Variants in SOX30 observed in about 807,000 individuals in gnomAD.
SOX30 encodes SRY-box transcription factor 30.
SOX30 carries 17 observed loss-of-function variants against 58.6 expected under a neutral mutation model. The observed-to-expected ratio is 0.29, with a 90% CI of 0.20 to 0.44. The LOEUF (loss-of-function observed/expected upper bound fraction) is 0.44. Ranked by LOEUF, SOX30 falls within the 20% of genes least tolerant of loss-of-function variation. SOX30 has a pLI of 1.00. For synonymous variants in SOX30, 421 were observed against 400.2 expected (o/e 1.05, Z -0.62); for missense variants, 951 against 965.8 (o/e 0.98, Z 0.20).
At chr5:157,631,001 TTA>T (rs1160722080) in intron 4 of SOX30, among the ~76,000 whole-genome samples, 9 of 126,140 alleles carry the variant, frequency 7.1e-5, no homozygotes, top group African/African-American at 2.8e-4. Flanking sequence ...TATATATTTT[TTA>T]TATATATACT....
At chr5:157,671,477 A>G (rs928870993) in exon 1 of SOX30, 17 of 676,160 alleles carry the variant, frequency 2.5e-5, no homozygotes, top group Admixed American at 6.2e-5. Flanking sequence ...CCCGCAGCCA[A>G]TATGTGTCTC....
intron 2 of SOX30, among the ~76,000 whole-genome samples, chr5:157,666,771 T>C (rs1220947642): frequency 6.6e-6 from 1 of 152,048 alleles, no homozygotes. Context: ...AGTGGCACAA[T>C]CTCAGCTAAC....
intron 3 of SOX30, among the ~76,000 whole-genome samples, chr5:157,640,912 AT>A (rs1442807086): frequency 6.6e-6 from 1 of 152,144 alleles, no homozygotes; most frequent in Non-Finnish European, 1.5e-5. Flanking sequence ...TGAAGACACC[AT>A]AATGCACTCC....
chr5:157,658,760 G>A lies in SOX30; in HGVS notation c.52+9038C>T, dbSNP rs571934015. Reference sequence around the variant, plus strand: ...TATAAAAGGGAGGGGGTAATGTCAGGCGTGTGAACCAGAGCAACTCCATTT... The same window carrying A: ...TATAAAAGGGAGGGGGTAATGTCAGACGTGTGAACCAGAGCAACTCCATTT... On this transcript the variant is annotated intron_variant, in intron 2 of 5. Coordinates refer to the SOX30 transcript ENST00000519442. 2.0e-5 allele frequency among the ~76,000 whole-genome samples: 3 copies of A among 152,254 alleles called. No individual in the cohort carries two copies. In the South Asian group the frequency reaches 6.2e-4, roughly 32 times the overall value.
chr5:157,626,168 C>G lies in SOX30; in HGVS notation c.*172G>C. ...ATTCCTACAATGAAACATCCAGACT[C>G]TAGTTTCACTAATCAAAATTTTATG... is the stretch of plus-strand genomic sequence containing the variant. On this transcript the variant is annotated 3_prime_UTR_variant, in exon 5 of 5. Transcript: ENST00000265007. 3.6e-6 allele frequency: 2 copies of G among 555,430 alleles called. No homozygotes were observed. The highest frequency in any genetic ancestry group is 3.0e-5 in the South Asian group (1 of 33,308). 34.4% of individuals were successfully genotyped at this position (555,430 alleles called of 1,614,324 possible).
intron 3 of SOX30, among the ~76,000 whole-genome samples, chr5:157,640,585 G>A (rs1759037538): frequency 6.6e-6 from 1 of 152,026 alleles, no homozygotes. Flanking sequence ...AAAAAACTAA[G>A]ATAAGCAGCA....
Position 157,638,525 on chromosome 5 carries a change from T to C in SOX30, c.1585A>G (p.Thr529Ala). The C allele has an allele frequency of 1.2e-6, 2 of 1,614,098 alleles. No homozygotes were observed. The highest frequency in any genetic ancestry group is 1.7e-6 in the Non-Finnish European group (2 of 1,180,024). Reference sequence around the variant, plus strand: ...GGAGTGGGTTGCTTCACAGTGTGAGTGGCTTCAGAATGCAGCTGATGAGTG... The same window carrying C: ...GGAGTGGGTTGCTTCACAGTGTGAGCGGCTTCAGAATGCAGCTGATGAGTG... ...TDTHQLHSEA[T>A]HTVKQPTPVS... The change falls in exon 4 of 5, where the codon ACT (threonine) becomes GCT (alanine). Residue 529 changes from threonine (T) to alanine (A), a missense_variant. Around this residue, in one of 7 missense-constraint regions of SOX30, gnomAD observed 381 missense variants for 390.0 expected, o/e 0.98. Transcript: ENST00000265007.
chr5:157,649,441 G>A (rs1429175010), intron 1 of SOX30, among the ~76,000 whole-genome samples: 1 of 152,076 alleles, frequency 6.6e-6, no homozygotes. Flanking sequence ...CTTACCAAGT[G>A]GAATCATCAA....
chr5:157,656,148 T>C (rs1361252648), upstream of SOX30, among the ~76,000 whole-genome samples: 1 of 152,226 alleles, frequency 6.6e-6, no homozygotes, highest in Non-Finnish European at 1.5e-5. Context: ...ATCTTTTGTC[T>C]GTGTATTTAT....
intron 2 of SOX30, among the ~76,000 whole-genome samples, chr5:157,666,044 A>C (rs1048470747): frequency 6.6e-6 from 1 of 152,106 alleles, no homozygotes; most frequent in African/African-American, 2.4e-5. Flanking sequence ...GATTAAAAGA[A>C]AGAAAAATTA....
chr5:157,662,450 C>T (rs190482160), intron 2 of SOX30, among the ~76,000 whole-genome samples: 83 of 152,034 alleles, frequency 5.5e-4, no homozygotes, highest in African/African-American at 1.8e-3. Flanking sequence ...TGAAGTCTTC[C>T]TTTCTAATTT....
rs75175130 is a variant in SOX30 at position 157,662,103 on chromosome 5, T to A, written c.52+5695A>T. The stretch of plus-strand genomic sequence containing the variant: ...CTTTGATCATTTCTGTTAATGAATT[T>A]GCCCATTTCATCTAAGTTGACAAAT... On this transcript the variant is annotated intron_variant, in intron 2 of 5. Transcript: ENST00000519442. Among the ~76,000 whole-genome samples, 18 of 152,350 alleles carry A rather than the reference T, an allele frequency of 1.2e-4. No homozygotes were observed. The East Asian group carries it at 3.5e-3, about 29-fold the overall frequency.
intron 2 of SOX30, among the ~76,000 whole-genome samples, chr5:157,665,893 G>C (rs1161225705): frequency 6.8e-6 from 1 of 147,586 alleles, no homozygotes; most frequent in East Asian, 2.0e-4. Flanking sequence ...CATCTTGCAG[G>C]ATATTCCCTT....
chr5:157,671,225 T>C (rs2277948), intron 1 of SOX30: 36,099 of 206,238 alleles, frequency 0.18, 3,570 homozygotes, highest in Middle Eastern at 0.28. Context: ...CTCAGCTCCA[T>C]GCCGCTGAGC....
chr5:157,657,066 T>C (rs1452571752), upstream of SOX30, among the ~76,000 whole-genome samples: 1 of 152,226 alleles, frequency 6.6e-6, no homozygotes, highest in Non-Finnish European at 1.5e-5. Flanking sequence ...TAAGGTTTTA[T>C]AAAGAATTGG....
chr5:157,626,642 C>T lies in SOX30; in HGVS notation c.1960G>A (p.Asp654Asn). 6.2e-7 allele frequency: 1 copy of T among 1,614,128 alleles called. No individual in the cohort carries two copies. The highest frequency in any genetic ancestry group is 1.1e-5 in the South Asian group (1 of 91,064). ...ATACCCTCATGTTTTGGGTACCTGT[C>T]TTCATAATAACTAAGGCATTCTGGC... Reference protein sequence around the residue: ...SMPECLSYYEDRYPKHEGIFS... With the variant: ...SMPECLSYYENRYPKHEGIFS... Residue 654 changes from aspartate (D) to asparagine (N), a missense_variant, in exon 5 of 5, where the codon GAC becomes AAC. Physicochemically the swap from Asp to Asn is conservative, Grantham distance 23. This residue lies in a region of SOX30 where 381 missense variants were observed against 390.0 expected (regional missense o/e 0.98). Transcript: ENST00000265007.
rs1759337817 is a variant in SOX30, at chr5:157,651,477, C to G, written c.602G>C (p.Gly201Ala). ...TTCTCGGATGGCTGCCGGGCTTTTG[C>G]CTGCCCCGCCTTGCATCGAGTCTCT... ...VMRDSMQGGA[G>A]KSPAAIREGV... The change falls in exon 1 of 5, where the codon GGC (glycine) becomes GCC (alanine). Residue 201 changes from glycine to alanine, a missense_variant. Gly to Ala is a moderately conservative substitution (Grantham distance 60). Around this residue, in one of 7 missense-constraint regions of SOX30, gnomAD observed 363 missense variants for 294.5 expected, o/e 1.23. Transcript: ENST00000265007. 1 of 1,613,302 alleles carries G rather than the reference C, an allele frequency of 6.2e-7. No individual in the cohort carries two copies. Among genetic ancestry groups the G allele is most frequent in the Non-Finnish European group, 8.5e-7 (1 of 1,180,034 alleles).
intron 2 of SOX30, among the ~76,000 whole-genome samples, chr5:157,666,478 GACAC>G (rs375835461): frequency 0.2 from 25,834 of 132,214 alleles, 2,454 homozygotes; most frequent in East Asian, 0.23. Context: ...TAGTCCAGTA[GACAC>G]ACACACACAC....
intron 1 of SOX30, among the ~76,000 whole-genome samples, chr5:157,649,620 T>A (rs1003591408): frequency 6.6e-6 from 1 of 151,968 alleles, no homozygotes; most frequent in Non-Finnish European, 1.5e-5. Context: ...TGAAACCCCA[T>A]CTCTACTGAA....
Sources: allele counts gnomAD v4.1 joint callset (sites outside exome capture counted in the v4.1 genomes callset), GRCh38; gene constraint gnomAD v4.1.1; regional missense constraint gnomAD v4.1.1; transcripts MANE v1.5; gene names NCBI Gene and HGNC (gene_info 2026-07-23, HGNC 2026-07-21).